MAGI1: variants seen among roughly 807,000 people sequenced by gnomAD.
MAGI1 encodes the protein membrane-associated guanylate kinase, WW and PDZ domain-containing protein 1.
A neutral mutation model predicts 139.9 loss-of-function variants in MAGI1; 58 were observed. The observed-to-expected ratio is 0.41, with a 90% CI of 0.34 to 0.52. MAGI1 has a LOEUF of 0.52. MAGI1 is among the 20% of genes least tolerant of loss of function. The pLI is 0.12. For missense variants in MAGI1, 1,874 were observed against 1,901.6 expected (o/e 0.99, Z 0.27); for synonymous variants, 812 against 737.9 (o/e 1.10, Z -1.63).
intron 1 of MAGI1, among the ~76,000 whole-genome samples, chr3:65,829,575 C>T (rs1321724482): frequency 6.6e-6 from 1 of 152,164 alleles, no homozygotes; most frequent in East Asian, 1.9e-4. Flanking sequence ...GAAGTGTGAG[C>T]AATAAATTTC....
intron 12 of MAGI1, 105 bp from the exon 13 acceptor site, chr3:65,401,575 C>T (rs773570346): frequency 1.3e-6 from 2 of 1,555,382 alleles, no homozygotes; most frequent in African/African-American, 1.4e-5. Context: ...GCAACCTAGC[C>T]ATCTGCAGAG....
chr3:65,726,337 T>C (rs1192971831), intron 1 of MAGI1, among the ~76,000 whole-genome samples: 1 of 152,214 alleles, frequency 6.6e-6, no homozygotes, highest in East Asian at 1.9e-4. Context: ...GAGAATAGAA[T>C]ATTCAGCATA....
chr3:65,770,435 G>A (rs565779310), intron 1 of MAGI1, among the ~76,000 whole-genome samples: 4 of 152,250 alleles, frequency 2.6e-5, no homozygotes, highest in South Asian at 4.2e-4. Context: ...AAACTGACAC[G>A]AGGAAACCCA....
At position 65,382,020 on chromosome 3, in the gene MAGI1, CG is replaced by C; in HGVS notation, c.2557del (p.Arg853AlafsTer2). ...GATTAATTCATCTCCAGACCTCAGG[CG>C]GCCGTCAGTATCAGCAGCACCCAGT... ...VPLGAADTDG[R>X]LRSGDELICV... On this transcript the variant is annotated frameshift_variant, in exon 16 of 23. Coordinates refer to ENST00000402939, the MANE Select transcript of MAGI1 (RefSeq NM_001033057.2). LOFTEE classifies it high-confidence loss of function. The C allele has an allele frequency of 6.2e-7, 1 of 1,614,022 alleles. No homozygotes were observed. Among genetic ancestry groups the C allele is most frequent in the Non-Finnish European group, 8.5e-7 (1 of 1,179,990 alleles).
chr3:65,921,777 G>A (rs1284570064), intron 1 of MAGI1, among the ~76,000 whole-genome samples: 1 of 152,034 alleles, frequency 6.6e-6, no homozygotes, highest in African/African-American at 2.4e-5. Context: ...TAGCCTGCTA[G>A]TAAAAGTTAA....
At chr3:65,780,230 C>T (rs1390396637) in intron 1 of MAGI1, among the ~76,000 whole-genome samples, 2 of 152,114 alleles carry the variant, frequency 1.3e-5, no homozygotes, top group African/African-American at 2.4e-5. Context: ...TGCCATGTTG[C>T]CCAGGCTGGT....
At chr3:65,558,138 T>C (rs1445990101) in intron 2 of MAGI1, among the ~76,000 whole-genome samples, 1 of 152,200 alleles carries the variant, frequency 6.6e-6, no homozygotes, top group Non-Finnish European at 1.5e-5. Flanking sequence ...ATCATCATTC[T>C]CATGTTAAGT....
intron 1 of MAGI1, among the ~76,000 whole-genome samples, chr3:65,709,462 C>T (rs552209129): frequency 1.6e-4 from 24 of 152,302 alleles, no homozygotes; most frequent in Admixed American, 3.9e-4. Context: ...GGTCTCTCTT[C>T]ATCTTTAAGA....
At chr3:65,943,012 C>G (rs1198850049) in intron 1 of MAGI1, among the ~76,000 whole-genome samples, 1 of 152,108 alleles carries the variant, frequency 6.6e-6, no homozygotes, top group Non-Finnish European at 1.5e-5. Flanking sequence ...TGGAGGGAGA[C>G]TCTGTCTCAA....
intron 2 of MAGI1, among the ~76,000 whole-genome samples, chr3:65,517,078 C>T (rs572719076): frequency 3.9e-4 from 60 of 152,226 alleles, no homozygotes; most frequent in African/African-American, 1.4e-3. Context: ...CCAGGTTTTC[C>T]TACTCTGGAA....
intron 1 of MAGI1, among the ~76,000 whole-genome samples, chr3:65,737,668 T>C (rs577383383): frequency 4.6e-5 from 7 of 152,276 alleles, no homozygotes; most frequent in South Asian, 2.1e-4. Flanking sequence ...ATAAAGATTT[T>C]ACATGGGTAG....
chr3:65,649,065 T>TG (rs2085433751), intron 1 of MAGI1, among the ~76,000 whole-genome samples: 1 of 152,096 alleles, frequency 6.6e-6, no homozygotes, highest in Admixed American at 6.6e-5. Context: ...CCAAAATGCA[T>TG]GGTAGACTTA....
intron 1 of MAGI1, among the ~76,000 whole-genome samples, chr3:65,726,065 T>C (rs1164663811): frequency 6.6e-6 from 1 of 152,192 alleles, no homozygotes; most frequent in Non-Finnish European, 1.5e-5. Flanking sequence ...CAGAGTATAG[T>C]AAAGAAATAT....
intron 8 of MAGI1, 76 bp from the exon 9 acceptor site, chr3:65,440,088 T>C: frequency 1.3e-6 from 2 of 1,538,260 alleles, no homozygotes; most frequent in Non-Finnish European, 1.8e-6. Context: ...ACCAAGTCCC[T>C]GGAATCAAAC....
chr3:65,869,367 TTTGTTGTTGTTGTTG>T (rs200952901), intron 1 of MAGI1, among the ~76,000 whole-genome samples: 4,562 of 118,762 alleles, frequency 0.038, 102 homozygotes, highest in African/African-American at 0.07. Context: ...AGACTGGTTT[TTTGTTGTTGTTGTTG>T]TTGTTGTTGT....
chr3:65,406,426 G>A (rs1575633890), intron 12 of MAGI1, among the ~76,000 whole-genome samples: 1 of 152,076 alleles, frequency 6.6e-6, no homozygotes, highest in African/African-American at 2.4e-5. Context: ...GCACAAAGAG[G>A]CTTTGAAAGG....
chr3:65,627,636 C>G (rs113493604), intron 1 of MAGI1, among the ~76,000 whole-genome samples: 4,611 of 150,936 alleles, frequency 0.031, 101 homozygotes, highest in African/African-American at 0.06. Flanking sequence ...GCCTCCCGAG[C>G]AGCTGGGACT....
At chr3:65,986,426 T>C (rs1343995486) in intron 1 of MAGI1, among the ~76,000 whole-genome samples, 7 of 152,212 alleles carry the variant, frequency 4.6e-5, no homozygotes, top group South Asian at 4.1e-4. Context: ...TCAGGGCCAA[T>C]TGCTAAGCTC....
intron 2 of MAGI1, among the ~76,000 whole-genome samples, chr3:65,563,549 AAAC>A (rs954621750): frequency 2.0e-5 from 3 of 152,190 alleles, no homozygotes; most frequent in African/African-American, 7.2e-5. Flanking sequence ...GAGATCCCTC[AAAC>A]AACCCTAGGG....
Sources: gnomAD v4.1 joint callset for allele counts (sites outside exome capture counted in the v4.1 genomes callset) on GRCh38, gnomAD v4.1.1 for gene constraint, MANE v1.5 for transcripts, NCBI Gene and HGNC (gene_info 2026-07-23, HGNC 2026-07-21) for gene names.